The following ATP2B2 variants were observed in gnomAD, a reference collection of about 807,000 sequenced individuals.
ATP2B2 encodes ATPase plasma membrane Ca2+ transporting 2, also known as plasma membrane calcium-transporting ATPase 2.
ATP2B2 carries 15 observed loss-of-function variants against 120.0 expected under a neutral mutation model. The observed-to-expected ratio is 0.12, with a 90% CI of 0.08 to 0.19. ATP2B2 has a LOEUF of 0.19. ATP2B2 is among the 10% of genes least tolerant of loss of function. The probability of loss-of-function intolerance (pLI) is 1.00; values close to 1 mark genes in which losing one functional copy is unlikely to be tolerated. For missense variants in ATP2B2, 1,045 were observed against 1,719.8 expected (o/e 0.61, Z 6.94); for synonymous variants, 694 against 700.3 (o/e 0.99, Z 0.14).
intron 2 of ATP2B2, among the ~76,000 whole-genome samples, chr3:10,444,049 C>A (rs1371417719): frequency 6.6e-6 from 1 of 152,220 alleles, no homozygotes; most frequent in East Asian, 1.9e-4. Flanking sequence ...CAGCCTCTTG[C>A]ATACTCAGGA....
chr3:10,351,179 G>A (rs1218201940), intron 14 of ATP2B2, among the ~76,000 whole-genome samples: 4 of 152,160 alleles, frequency 2.6e-5, no homozygotes, highest in South Asian at 2.1e-4. Flanking sequence ...AATGACAGAC[G>A]GATATCTGGG....
At chr3:10,503,665 C>T (rs2066484795) in intron 1 of ATP2B2, among the ~76,000 whole-genome samples, 1 of 152,272 alleles carries the variant, frequency 6.6e-6, no homozygotes. Flanking sequence ...ATGTGTGCAA[C>T]TGACATTCAC....
chr3:10,481,971 C>T (rs1295531251), intron 1 of ATP2B2, among the ~76,000 whole-genome samples: 5 of 152,178 alleles, frequency 3.3e-5, no homozygotes, highest in Non-Finnish European at 7.3e-5. Flanking sequence ...TTAGGATGAC[C>T]AACTGTCCTG....
intron 1 of ATP2B2, among the ~76,000 whole-genome samples, chr3:10,693,313 C>T (rs1294944040): frequency 6.6e-6 from 1 of 152,232 alleles, no homozygotes; most frequent in Non-Finnish European, 1.5e-5. Context: ...GGCTAAGGGC[C>T]TCCTGCTTCC....
chr3:10,602,868 G>A (rs932790712), intron 2 of ATP2B2, among the ~76,000 whole-genome samples: 1 of 152,140 alleles, frequency 6.6e-6, no homozygotes. Context: ...GGCCACACCT[G>A]GTACCACACC....
chr3:10,444,748 A>G lies in ATP2B2; in HGVS notation c.199+4597T>C, dbSNP rs912597387. On this transcript the variant is annotated intron_variant, in intron 2 of 22. Transcript: ENST00000360273. ...ATGAGGGCTGTGTGTGCAATGGCTC[A>G]GGGCAGCGCAACGCTGGGCTCAGGG... 4.6e-5 allele frequency among the ~76,000 whole-genome samples: 7 copies of G among 152,350 alleles called. 1 individual carries two copies. The East Asian group carries it at 1.4e-3, about 29-fold the overall frequency.
intron 22 of ATP2B2, chr3:10,335,994 G>C: frequency 9.1e-7 from 1 of 1,096,594 alleles, no homozygotes; most frequent in Non-Finnish European, 1.3e-6. Context: ...GACCCTCTTC[G>C]GTGGCTGGGA....
At chr3:10,654,483 C>T (rs181226283) in intron 1 of ATP2B2, among the ~76,000 whole-genome samples, 45 of 152,030 alleles carry the variant, frequency 3.0e-4, no homozygotes, top group African/African-American at 1.0e-3. Context: ...CATAGACGAG[C>T]GAAGTGGAGG....
At chr3:10,516,460 C>A (rs112340651) in intron 3 of ATP2B2, among the ~76,000 whole-genome samples, 2 of 152,290 alleles carry the variant, frequency 1.3e-5, no homozygotes, top group African/African-American at 4.8e-5. Flanking sequence ...TGTTGCTGAC[C>A]CCAAAGGCAC....
intron 2 of ATP2B2, among the ~76,000 whole-genome samples, chr3:10,415,511 G>A (rs867466512): frequency 6.6e-6 from 1 of 152,318 alleles, no homozygotes; most frequent in Middle Eastern, 3.4e-3. Flanking sequence ...GAAGGCTAGG[G>A]CTGGTGGCTC....
chr3:10,390,100 C>G (rs985477138), intron 5 of ATP2B2, among the ~76,000 whole-genome samples: 2 of 152,170 alleles, frequency 1.3e-5, no homozygotes, highest in Non-Finnish European at 2.9e-5. Flanking sequence ...AAGAATTCCA[C>G]CCTGGCCTGG....
intron 2 of ATP2B2, among the ~76,000 whole-genome samples, chr3:10,424,638 A>G (rs1241790502): frequency 6.6e-6 from 1 of 152,240 alleles, no homozygotes; most frequent in Admixed American, 6.5e-5. Context: ...AGAAAAATGC[A>G]TTTCTGTCTT....
chr3:10,436,470 C>T (rs909363265), intron 2 of ATP2B2, among the ~76,000 whole-genome samples: 3 of 152,212 alleles, frequency 2.0e-5, no homozygotes, highest in African/African-American at 2.4e-5. Context: ...AGGATTCCCT[C>T]GCAACTAGAG....
intron 2 of ATP2B2, among the ~76,000 whole-genome samples, chr3:10,436,259 C>T (rs2063476953): frequency 6.6e-6 from 1 of 152,104 alleles, no homozygotes; most frequent in South Asian, 2.1e-4. Flanking sequence ...CAACAAATAC[C>T]CCAAACTTAT....
chr3:10,594,679 C>T (rs1214010189), intron 2 of ATP2B2, among the ~76,000 whole-genome samples: 1 of 150,296 alleles, frequency 6.7e-6, no homozygotes, highest in Non-Finnish European at 1.5e-5. Flanking sequence ...AACAAACCTG[C>T]ACGTTGTGCA....
At chr3:10,382,290 C>A (rs2061554155) in intron 8 of ATP2B2, among the ~76,000 whole-genome samples, 1 of 145,280 alleles carries the variant, frequency 6.9e-6, no homozygotes, top group Middle Eastern at 3.5e-3. Flanking sequence ...CCTGCTTCGG[C>A]CTCCCAAAGT....
intron 2 of ATP2B2, among the ~76,000 whole-genome samples, chr3:10,604,006 C>A (rs2068994553): frequency 1.3e-5 from 2 of 152,136 alleles, no homozygotes; most frequent in African/African-American, 4.8e-5. Flanking sequence ...CCACAGGCAT[C>A]TAAACTTAAC....
chr3:10,641,025 C>A (rs13072792), intron 1 of ATP2B2, among the ~76,000 whole-genome samples: 49,988 of 152,078 alleles, frequency 0.33, 12,795 homozygotes, highest in African/African-American at 0.71. Context: ...TGTGTGACCC[C>A]AGGCAGGAGG....
At chr3:10,334,880 T>G (rs1304061636) in intron 22 of ATP2B2, among the ~76,000 whole-genome samples, 2 of 151,982 alleles carry the variant, frequency 1.3e-5, no homozygotes, top group Non-Finnish European at 2.9e-5. Flanking sequence ...TTTCAAGGGG[T>G]GAGCTGGAGT....
Sources: gnomAD v4.1 joint callset for allele counts (sites outside exome capture counted in the v4.1 genomes callset) on GRCh38, gnomAD v4.1.1 for gene constraint, MANE v1.5 for transcripts, NCBI Gene and HGNC (gene_info 2026-07-23, HGNC 2026-07-21) for gene names.